Variants in USP12 observed in about 807,000 individuals in gnomAD.
USP12 encodes the protein ubiquitin carboxyl-terminal hydrolase 12.
A neutral mutation model predicts 45.5 loss-of-function variants in USP12; 19 were observed. That is an observed-to-expected ratio of 0.42 (90% CI 0.29 to 0.61). USP12 has a LOEUF of 0.61. USP12 is among the 20% of genes least tolerant of loss of function. USP12 has a pLI of 0.22. For synonymous variants in USP12, 149 were observed against 148.8 expected (o/e 1.00, Z -0.01); for missense variants, 242 against 447.7 (o/e 0.54, Z 4.15).
chr13:27,083,284 C>A (rs1482456885), intron 6 of USP12, among the ~76,000 whole-genome samples: 1 of 152,132 alleles, frequency 6.6e-6, no homozygotes, highest in Non-Finnish European at 1.5e-5. Flanking sequence ...GTGACAGAGA[C>A]AGGAAATGTG....
At chr13:27,132,115 T>G (rs1354953175) in intron 1 of USP12, among the ~76,000 whole-genome samples, 1 of 152,222 alleles carries the variant, frequency 6.6e-6, no homozygotes, top group Admixed American at 6.5e-5. Context: ...CATTCACCTT[T>G]CCTGCTATCC....
chr13:27,157,489 G>A (rs1195148333), intron 1 of USP12, among the ~76,000 whole-genome samples: 1 of 151,942 alleles, frequency 6.6e-6, no homozygotes, highest in African/African-American at 2.4e-5. Flanking sequence ...AATGAGTTCT[G>A]TAAGCTACAA....
rs941220124 is a variant in USP12 at position 27,129,209 on chromosome 13, T to A, written c.49-12613A>T. On this transcript the variant is annotated intron_variant, in intron 1 of 8. Coordinates refer to ENST00000282344, the MANE Select transcript of USP12 (RefSeq NM_182488.4). This position sits in a 1 kb window ranked among gnomAD's most constrained non-coding sequence, Gnocchi z 4.0. The stretch of plus-strand genomic sequence containing the variant: ...CCGTGTCACTGAGACAACAGGAATA[T>A]TATATTAAACCACAGTTAAGTGGAA... 3.4e-5 allele frequency among the ~76,000 whole-genome samples: 5 copies of A among 148,414 alleles called. No homozygotes were observed. The Admixed American group carries it at 3.5e-4, about 10-fold the overall frequency.
At chr13:27,145,594 G>C (rs1877273374) in intron 1 of USP12, among the ~76,000 whole-genome samples, 1 of 152,100 alleles carries the variant, frequency 6.6e-6, no homozygotes, top group Non-Finnish European at 1.5e-5. Flanking sequence ...AGTTCATTTA[G>C]AATCTGCTCA....
intron 1 of USP12, among the ~76,000 whole-genome samples, chr13:27,167,520 C>T (rs577024993): frequency 5.9e-5 from 9 of 151,844 alleles, no homozygotes; most frequent in Admixed American, 2.0e-4. Flanking sequence ...ATAGAAGATT[C>T]CTTATTTTTG....
intron 4 of USP12, among the ~76,000 whole-genome samples, chr13:27,094,602 G>A (rs562499930): frequency 5.9e-5 from 9 of 152,176 alleles, no homozygotes; most frequent in South Asian, 4.2e-4. Context: ...GCCTACAGAC[G>A]TGATGCCCCG....
chr13:27,154,283 A>AG (rs1877715063), intron 1 of USP12, among the ~76,000 whole-genome samples: 1 of 151,954 alleles, frequency 6.6e-6, no homozygotes, highest in Non-Finnish European at 1.5e-5. Flanking sequence ...CTGTTGAGCA[A>AG]GGGCATATAG....
intron 4 of USP12, among the ~76,000 whole-genome samples, chr13:27,093,825 T>C (rs1251636300): frequency 6.6e-6 from 1 of 152,046 alleles, no homozygotes; most frequent in Non-Finnish European, 1.5e-5. Context: ...ATCCTTACAG[T>C]GGAAATGTTG....
At chr13:27,137,797 A>C (rs1876874312) in intron 1 of USP12, among the ~76,000 whole-genome samples, 1 of 150,074 alleles carries the variant, frequency 6.7e-6, no homozygotes, top group South Asian at 2.1e-4. Flanking sequence ...TTCTGTGACT[A>C]TGTGACATAA....
At chr13:27,134,735 A>G (rs1038852216) in intron 1 of USP12, among the ~76,000 whole-genome samples, 1 of 152,054 alleles carries the variant, frequency 6.6e-6, no homozygotes, top group Non-Finnish European at 1.5e-5. Context: ...GTCATAATAG[A>G]TAAGCCATCT....
chr13:27,124,723 A>G (rs1171919402), intron 1 of USP12, among the ~76,000 whole-genome samples: 1 of 152,220 alleles, frequency 6.6e-6, no homozygotes, highest in Non-Finnish European at 1.5e-5. Context: ...GTATAAACAC[A>G]ACAAAGAAGT....
At position 27,077,419 on chromosome 13, in the gene USP12, G is replaced by C. The variant is rs539134562; in HGVS notation, c.735-2031C>G. The C allele has an allele frequency of 3.9e-5, 6 of 152,262 alleles. No individual in the cohort carries two copies. In the East Asian group the frequency reaches 9.6e-4, roughly 24 times the overall value. 9.4% of individuals were successfully genotyped at this position (152,262 alleles called of 1,614,324 possible). On this transcript the variant is annotated intron_variant, in intron 6 of 8. Transcript: ENST00000282344. ...GAGAATGAACATGGCCCGATGGTTA[G>C]GGAAAATGTGCTTTTAGAAATTACA... is the stretch of plus-strand genomic sequence containing the variant.
chr13:27,164,356 T>C (rs522268), intron 1 of USP12, among the ~76,000 whole-genome samples: 51,243 of 152,052 alleles, frequency 0.34, 9,159 homozygotes, highest in Non-Finnish European at 0.4. Context: ...GCTTTGGACA[T>C]GTGGCTCACT....
At chr13:27,137,535 G>A (rs900891901) in intron 1 of USP12, among the ~76,000 whole-genome samples, 7 of 152,144 alleles carry the variant, frequency 4.6e-5, no homozygotes, top group African/African-American at 1.4e-4. Context: ...AAGTAGACAT[G>A]TTCTAACAAA....
At chr13:27,133,958 C>T (rs192856955) in intron 1 of USP12, among the ~76,000 whole-genome samples, 1 of 152,132 alleles carries the variant, frequency 6.6e-6, no homozygotes, top group East Asian at 1.9e-4. Context: ...ACAGTGAAAT[C>T]CCATCTCTAA....
intron 1 of USP12, among the ~76,000 whole-genome samples, chr13:27,154,389 A>G (rs1440596599): frequency 6.6e-6 from 1 of 152,192 alleles, no homozygotes. Flanking sequence ...ATTGGTAGCT[A>G]ATTTTCCTGA....
At chr13:27,074,349 G>A (rs1168328152) in intron 7 of USP12, among the ~76,000 whole-genome samples, 2 of 151,888 alleles carry the variant, frequency 1.3e-5, no homozygotes, top group South Asian at 2.1e-4. Flanking sequence ...GCACTGAGCC[G>A]AGATGGCGCC....
At chr13:27,170,163 A>T (rs1429337166) in intron 1 of USP12, 1 of 396,398 alleles carries the variant, frequency 2.5e-6, no homozygotes, top group Non-Finnish European at 4.4e-6. Flanking sequence ...GAGAAAGAAC[A>T]ATCATCCAGT....
At chr13:27,149,049 T>G (rs1052193987) in intron 1 of USP12, among the ~76,000 whole-genome samples, 18 of 152,012 alleles carry the variant, frequency 1.2e-4, no homozygotes, top group Admixed American at 3.9e-4. Context: ...CCAGGCGTGG[T>G]GGCACACGCC....
Sources: gnomAD v4.1 joint callset for allele counts (sites outside exome capture counted in the v4.1 genomes callset) on GRCh38, gnomAD v4.1.1 for gene constraint, Gnocchi (gnomAD v3.1) non-coding constraint, MANE v1.5 for transcripts, NCBI Gene and HGNC (gene_info 2026-07-23, HGNC 2026-07-21) for gene names.